The following EFCAB7 variants were observed in gnomAD, a reference collection of about 807,000 sequenced individuals.
EFCAB7 encodes EF-hand calcium binding domain 7, also known as EF-hand calcium-binding domain-containing protein 7.
In EFCAB7, 66 loss-of-function variants were observed where a neutral mutation model predicts 77.1. The observed-to-expected ratio is 0.86, with a 90% CI of 0.70 to 1.05. The LOEUF is 1.05. Among genes scored for constraint, EFCAB7 ranks in the 50% least tolerant of loss-of-function variants. The pLI is 0.00. For synonymous variants in EFCAB7, 225 were observed against 243.3 expected (o/e 0.92, Z 0.70); for missense variants, 638 against 730.5 (o/e 0.87, Z 1.46).
rs748031167 is a variant in EFCAB7, at chr1:63,555,398, G to A, written c.1097G>A (p.Trp366Ter). The A allele has an allele frequency of 6.2e-7, 1 of 1,613,612 alleles. No individual in the cohort carries two copies. Among genetic ancestry groups the A allele is most frequent in the South Asian group, 1.1e-5 (1 of 91,030 alleles). The change falls in exon 9 of 14, where the codon TGG becomes TAG. Residue 366 changes from tryptophan to a stop codon, truncating the protein, a stop_gained. Coordinates refer to ENST00000371088, the MANE Select transcript of EFCAB7 (RefSeq NM_032437.4). LOFTEE classifies it high-confidence loss of function. ...GGTGAACTAGGACCTGGAATTTACTGGTTAATTCCTTCCACAACTGGCTGT... is the reference window on the plus strand; with the variant it reads ...GGTGAACTAGGACCTGGAATTTACTAGTTAATTCCTTCCACAACTGGCTGT... Reference protein sequence around the residue: ...WTGELGPGIYWLIPSTTGCRL... With the variant: ...WTGELGPGIY
the EFCAB7 span, among the ~76,000 whole-genome samples, chr1:63,583,670 G>C: frequency 6.6e-6 from 1 of 152,020 alleles, no homozygotes; most frequent in Non-Finnish European, 1.5e-5. Context: ...CCCCAATAGA[G>C]AGAAACCATG....
chr1:63,541,915 A>G (rs1046593577), intron 6 of EFCAB7, among the ~76,000 whole-genome samples: 4 of 152,182 alleles, frequency 2.6e-5, no homozygotes, highest in African/African-American at 9.6e-5. Flanking sequence ...TGAATATTGC[A>G]TAGCAAAATG....
In EFCAB7 at chr1:63,534,157, G is replaced by C; in HGVS notation, c.745G>C (p.Val249Leu). 1 of 1,613,322 alleles carries C rather than the reference G, an allele frequency of 6.2e-7. No homozygotes were observed. The highest frequency in any genetic ancestry group is 8.5e-7 in the Non-Finnish European group (1 of 1,179,514). ...RKFKTSVSFTVTMGANGNRNS... is the reference protein window; with the variant it reads ...RKFKTSVSFTLTMGANGNRNS... ...GTTCAAAACATCTGTTTCCTTCACAGTTACCATGGGGGCTAATGGTAACCG... is the reference window on the plus strand; with the variant it reads ...GTTCAAAACATCTGTTTCCTTCACACTTACCATGGGGGCTAATGGTAACCG... The change falls in exon 6 of 14, where the codon GTT becomes CTT. Residue 249 changes from valine to leucine, a missense_variant. Transcript: ENST00000371088.
chr1:63,573,252 A>C (rs537492294), downstream of EFCAB7, among the ~76,000 whole-genome samples: 60 of 152,210 alleles, frequency 3.9e-4, no homozygotes, highest in Admixed American at 1.4e-3. Context: ...GTGGGAACCT[A>C]GAGTGGGAGA....
the EFCAB7 span, among the ~76,000 whole-genome samples, chr1:63,578,158 G>A: frequency 2.5e-4 from 38 of 152,252 alleles, no homozygotes; most frequent in Admixed American, 6.5e-4. Flanking sequence ...AACTTTAAGT[G>A]ACCTTGAAGA....
intron 7 of EFCAB7, chr1:63,549,470 A>G (rs759319899): frequency 4.3e-6 from 2 of 462,888 alleles, no homozygotes; most frequent in South Asian, 3.2e-5. Flanking sequence ...TCAGAGGACT[A>G]CAGGAGAGTA....
intron 8 of EFCAB7, among the ~76,000 whole-genome samples, chr1:63,553,700 T>TTCTTAA (rs1458378875): frequency 6.6e-6 from 1 of 152,184 alleles, no homozygotes; most frequent in Admixed American, 6.5e-5. Flanking sequence ...AAATAGGACC[T>TTCTTAA]GGTGACCTTA....
rs770467606 is a variant in EFCAB7 at position 63,568,352 on chromosome 1, C to T, written c.1540C>T (p.Pro514Ser). 4 of 1,600,842 alleles carry T rather than the reference C, an allele frequency of 2.5e-6. No individual in the cohort carries two copies. The highest frequency in any genetic ancestry group is 3.4e-6 in the Non-Finnish European group (4 of 1,175,854). ...TGATATCTATGCAGAAAAATGCAAG[C>T]CAAAAATTAAAGCTGTCCATATGGA... ...VIDIYAEKCKPKIKAVHMEAC... is the reference protein window; with the variant it reads ...VIDIYAEKCKSKIKAVHMEAC... Residue 514 changes from proline to serine, a missense_variant, in exon 12 of 14, where the codon CCA becomes TCA. Transcript: ENST00000371088.
chr1:63,547,556 G>C (rs750169389), intron 7 of EFCAB7: 1 of 152,300 alleles, frequency 6.6e-6, no homozygotes, highest in Non-Finnish European at 1.5e-5. Flanking sequence ...CTTTGAAAGA[G>C]ATGTATGAGT....
At chr1:63,524,381 G>A (rs1487306571) in intron 1 of EFCAB7, among the ~76,000 whole-genome samples, 1 of 152,190 alleles carries the variant, frequency 6.6e-6, no homozygotes, top group African/African-American at 2.4e-5. Flanking sequence ...TAAATCTGGT[G>A]TAATATGAAA....
chr1:63,543,971 CTTTTTTT>C (rs35018430), intron 6 of EFCAB7, among the ~76,000 whole-genome samples: 1 of 131,136 alleles, frequency 7.6e-6, no homozygotes, highest in African/African-American at 2.8e-5. Context: ...TTTCTTTTTT[CTTTTTTT>C]TTTTTTTTTG....
Position 63,572,463 on chromosome 1 carries a change from TTGAA to T in EFCAB7, c.1842_1845del (p.Glu615AspfsTer16), listed in dbSNP as rs762549083. ...GCAGGTTTGTCAACATGTAATGCCTTTGAATGAACGACAAGAATGGATATATTAT... is the reference window on the plus strand; with the variant it reads ...GCAGGTTTGTCAACATGTAATGCCTTTGAACGACAAGAATGGATATATTAT... On this transcript the variant is annotated frameshift_variant, in exon 14 of 14. Transcript: ENST00000371088. LOFTEE classifies it high-confidence loss of function. The T allele has an allele frequency of 1.9e-6, 3 of 1,583,200 alleles. No homozygotes were observed. The South Asian group carries it at 3.5e-5, about 19-fold the overall frequency.
chr1:63,566,926 A>G (rs1006387560), intron 11 of EFCAB7, among the ~76,000 whole-genome samples: 2 of 150,144 alleles, frequency 1.3e-5, no homozygotes, highest in Non-Finnish European at 1.5e-5. Context: ...TTAAAACACA[A>G]ATTTCTGTTT....
At chr1:63,530,263 A>AT (rs1034134358) in intron 2 of EFCAB7, among the ~76,000 whole-genome samples, 10 of 152,212 alleles carry the variant, frequency 6.6e-5, no homozygotes, top group African/African-American at 2.2e-4. Flanking sequence ...CCAGATTATC[A>AT]TTTTTTGATG....
At chr1:63,577,652 A>T (rs1286089787), downstream of EFCAB7, among the ~76,000 whole-genome samples, 1 of 152,262 alleles carries the variant, frequency 6.6e-6, no homozygotes, top group South Asian at 2.1e-4. Flanking sequence ...GCATGTATCT[A>T]TTACATATTA....
chr1:63,529,203 A>G (rs1409682366), intron 2 of EFCAB7: 2 of 152,184 alleles, frequency 1.3e-5, no homozygotes, highest in Admixed American at 6.5e-5. Context: ...GAATAAAAAC[A>G]TTTATATTAT....
At chr1:63,565,557 G>C (rs1442233270) in intron 11 of EFCAB7, among the ~76,000 whole-genome samples, 1 of 152,118 alleles carries the variant, frequency 6.6e-6, no homozygotes, top group East Asian at 1.9e-4. Flanking sequence ...AAGAGCTTCT[G>C]TGCAGCAAAA....
intron 7 of EFCAB7, among the ~76,000 whole-genome samples, chr1:63,546,587 C>T (rs1372595931): frequency 6.6e-6 from 1 of 152,120 alleles, no homozygotes; most frequent in Non-Finnish European, 1.5e-5. Flanking sequence ...AATCTGGTCT[C>T]AAACTCCTGA....
At chr1:63,530,644 C>G (rs974993859) in intron 2 of EFCAB7, among the ~76,000 whole-genome samples, 1 of 152,088 alleles carries the variant, frequency 6.6e-6, no homozygotes, top group Non-Finnish European at 1.5e-5. Flanking sequence ...GTAGTTTGAC[C>G]ATAGCATCTC....
Sources: gnomAD v4.1 joint callset for allele counts (sites outside exome capture counted in the v4.1 genomes callset) on GRCh38, gnomAD v4.1.1 for gene constraint, MANE v1.5 for transcripts, NCBI Gene and HGNC (gene_info 2026-07-23, HGNC 2026-07-21) for gene names.